APC2: variants seen among roughly 807,000 people sequenced by gnomAD.
APC2 encodes the protein adenomatous polyposis coli protein 2.
Under a neutral mutation model 72.5 loss-of-function variants are expected in APC2, and 41 were observed. That is an observed-to-expected ratio of 0.57 (90% CI 0.44 to 0.73). The LOEUF (loss-of-function observed/expected upper bound fraction) is 0.73, where lower values mean the gene tolerates loss of function less well. Ranked by LOEUF, APC2 falls within the 30% of genes least tolerant of loss-of-function variation. APC2 has a pLI of 0.00. For missense variants in APC2, 3,729 were observed against 3,403.4 expected (o/e 1.10, Z -2.38); for synonymous variants, 1,898 against 1,612.0 (o/e 1.18, Z -4.25).
chr19:1,447,007 G>A (rs2083693768), upstream of APC2, among the ~76,000 whole-genome samples: 1 of 152,216 alleles, frequency 6.6e-6, no homozygotes, highest in African/African-American at 2.4e-5. Flanking sequence ...AGAACGCGGG[G>A]CGGGGGCCGG....
Position 1,468,932 on chromosome 19 carries a change from C to A in APC2, c.5631C>A (p.Ser1877=). ...RLAKTPSSSS[S]QTSPASQPLP... ...CCAAGACCCCCTCCTCCAGCTCCTCCCAGACCTCGCCCGCCTCCCAGCCCC... is the reference window on the plus strand; with the variant it reads ...CCAAGACCCCCTCCTCCAGCTCCTCACAGACCTCGCCCGCCTCCCAGCCCC... The change falls in exon 15 of 15, where the codon TCC becomes TCA. Residue 1877 remains serine, a synonymous_variant. Coordinates refer to ENST00000590469, the MANE Select transcript of APC2 (RefSeq NM_005883.3). 1 of 1,543,492 alleles carries A rather than the reference C, an allele frequency of 6.5e-7. No homozygotes were observed.
Position 1,463,581 on chromosome 19 carries a change from C to CAAA in APC2, c.1853+1418_1853+1420dup, listed in dbSNP as rs58370572. 1.1e-3 allele frequency among the ~76,000 whole-genome samples: 107 copies of CAAA among 96,280 alleles called. 1 individual carries two copies. The highest frequency in any genetic ancestry group is 3.7e-3 in the African/African-American group (106 of 28,358). 63.2% of individuals were successfully genotyped at this position (96,280 alleles called of 152,430 possible). On this transcript the variant is annotated intron_variant, in intron 14 of 14. Coordinates refer to ENST00000590469, the MANE Select transcript of APC2 (RefSeq NM_005883.3). The stretch of plus-strand genomic sequence containing the variant: ...CTGGGCAACAAGAGCAAAACTGTCT[C>CAAA]AAAAAAAAAAAAAAAAGAAAAATTA...
intron 10 of APC2, chr19:1,458,691 C>G: frequency 1.3e-5 from 2 of 152,330 alleles, no homozygotes; most frequent in South Asian, 2.1e-4. Context: ...GCAACAGAGC[C>G]AGACCCTGTC....
chr19:1,465,709 C>A lies in APC2; in HGVS notation c.2408C>A (p.Ser803Tyr). ...TGEPASPAAL[S>Y]LFLGSPFLQG... ...GAGCCAGCCAGCCCTGCCGCGCTGT[C>A]CCTCTTCCTGGGCAGCCCCTTCCTG... The change falls in exon 15 of 15, where the codon TCC becomes TAC. Residue 803 changes from serine to tyrosine, a missense_variant. Transcript: ENST00000590469. 4 of 1,576,934 alleles carry A rather than the reference C, an allele frequency of 2.5e-6. No individual in the cohort carries two copies. Among genetic ancestry groups the A allele is most frequent in the Non-Finnish European group, 3.4e-6 (4 of 1,163,668 alleles).
At position 1,452,923 on chromosome 19, in the gene APC2, G is replaced by C; in HGVS notation, c.-18-61G>C. The C allele has an allele frequency of 2.6e-6, 4 of 1,562,424 alleles. No individual in the cohort carries two copies. Among genetic ancestry groups the C allele is most frequent in the Non-Finnish European group, 3.5e-6 (4 of 1,153,756 alleles). ...GGCTTAGGTCAGGGGCCGTCTGTCC[G>C]GAAGGCATCACCGCGCCCTCCCCAG... On this transcript the variant is annotated intron_variant, in intron 1 of 14. Transcript: ENST00000590469. This position sits in a 1 kb window ranked among gnomAD's most constrained non-coding sequence, Gnocchi z 5.1.
intron 4 of APC2, 121 bp from the exon 5 acceptor site, chr19:1,455,028 G>C (rs1339420043): frequency 2.3e-6 from 1 of 426,400 alleles, no homozygotes; most frequent in Non-Finnish European, 4.1e-6. Flanking sequence ...CCACGGGAGA[G>C]ACCTTGCCAT....
rs553861145 is a variant in APC2 at position 1,452,935 on chromosome 19, C to G, written c.-18-49C>G. ...GGGCCGTCTGTCCGGAAGGCATCACCGCGCCCTCCCCAGACCATCAGCTGA... is the reference window on the plus strand; with the variant it reads ...GGGCCGTCTGTCCGGAAGGCATCACGGCGCCCTCCCCAGACCATCAGCTGA... On this transcript the variant is annotated intron_variant, in intron 1 of 14. Transcript: ENST00000590469. This position sits in a 1 kb window ranked among gnomAD's most constrained non-coding sequence, Gnocchi z 5.1. The G allele has an allele frequency of 6.3e-6, 10 of 1,581,404 alleles. No individual in the cohort carries two copies. The Admixed American group carries it at 1.7e-4, about 27-fold the overall frequency.
At position 1,457,231 on chromosome 19, in the gene APC2, G is replaced by T. The variant is rs949046151; in HGVS notation, c.1195G>T (p.Gly399Cys). The T allele has an allele frequency of 1.4e-5, 21 of 1,531,144 alleles. No individual in the cohort carries two copies. The African/African-American group carries it at 2.8e-4, about 20-fold the overall frequency. 94.8% of individuals were successfully genotyped at this position (1,531,144 alleles called of 1,614,324 possible). A position where few individuals can be genotyped will look rare whatever the true frequency, so the allele number is the denominator to read the frequency against. The change falls in exon 9 of 15, where the codon GGC becomes TGC. Residue 399 changes from glycine (G) to cysteine (C), a missense_variant. Transcript: ENST00000590469. ...CCGAGACGGCGGGCCCGAGGGAGGT[G>T]GCGCCGGCAGCGGTGAGTGCCTGGC... ...QARDGGPEGGGAGSAPIPIEP... is the reference protein window; with the variant it reads ...QARDGGPEGGCAGSAPIPIEP...
intron 1 of APC2, among the ~76,000 whole-genome samples, chr19:1,451,048 T>C (rs1356760223): frequency 6.6e-6 from 1 of 152,124 alleles, no homozygotes; most frequent in African/African-American, 2.4e-5. Flanking sequence ...GGATCTCACT[T>C]GTGACGTTTA....
rs372652826 is a variant in APC2 at position 1,457,208 on chromosome 19, G to T, written c.1172G>T (p.Arg391Leu). The T allele has an allele frequency of 2.1e-5, 33 of 1,549,466 alleles. No individual in the cohort carries two copies. In the Admixed American group the frequency reaches 2.3e-4, roughly 11 times the overall value. The change falls in exon 9 of 15, where the codon CGA (arginine) becomes CTA (leucine). Residue 391 changes from arginine to leucine, a missense_variant. Arg to Leu is a moderately radical substitution (Grantham distance 102). Coordinates refer to ENST00000590469, the MANE Select transcript of APC2 (RefSeq NM_005883.3). ...ACCTGCTGGGACTGGCTGCAGGCCC[G>T]AGACGGCGGGCCCGAGGGAGGTGGC... is the stretch of plus-strand genomic sequence containing the variant. ...CETCWDWLQA[R>L]DGGPEGGGAG...
upstream of APC2, chr19:1,446,378 G>A: frequency 1.0e-6 from 1 of 985,016 alleles, no homozygotes; most frequent in Non-Finnish European, 1.2e-6. This position sits in a 1 kb window ranked among gnomAD's most constrained non-coding sequence, Gnocchi z 6.1. Flanking sequence ...GGAGGGCTCC[G>A]GGCCGCGCAG....
rs1378771163 is a variant in APC2, at chr19:1,470,095, G to T, written c.6794G>T (p.Ser2265Ile). The T allele has an allele frequency of 6.2e-7, 1 of 1,604,622 alleles. No individual in the cohort carries two copies. The highest frequency in any genetic ancestry group is 1.7e-5 in the Admixed American group (1 of 59,646). The change falls in exon 15 of 15, where the codon AGC becomes ATC. Residue 2265 changes from serine to isoleucine, a missense_variant. By Grantham distance (142) the Ser-to-Ile change is moderately radical. Coordinates refer to ENST00000590469, the MANE Select transcript of APC2 (RefSeq NM_005883.3). ...GFPASRHGSP[S>I]RSARVPPFNY... ...CCCGCCAGCCGGCACGGCTCCCCCA[G>T]CCGCTCGGCCCGAGTACCCCCCTTC...
In APC2 at chr19:1,471,342, C is replaced by T. The variant is rs913206710; in HGVS notation, c.*1129C>T. The T allele has an allele frequency of 2.0e-4, 31 of 152,306 alleles. No homozygotes were observed. Among genetic ancestry groups the T allele is most frequent in the African/African-American group, 7.5e-4 (31 of 41,478 alleles). The allele number at this position is 152,306 out of a possible 1,614,324, so 9.4% of individuals were successfully genotyped here. Reference sequence around the variant, plus strand: ...CAGCACAGCTGGGGCGGGGACCCAGCCTTGCCCTCCACCCGAGGCTCTGGG... The same window carrying T: ...CAGCACAGCTGGGGCGGGGACCCAGTCTTGCCCTCCACCCGAGGCTCTGGG... On this transcript the variant is annotated 3_prime_UTR_variant, in exon 15 of 15. Coordinates refer to ENST00000590469, the MANE Select transcript of APC2 (RefSeq NM_005883.3).
chr19:1,460,078 G>A, intron 10 of APC2, 103 bp from the exon 11 acceptor site: 5 of 1,499,758 alleles, frequency 3.3e-6, no homozygotes, highest in Non-Finnish European at 4.5e-6. Flanking sequence ...TTGAGGGCAG[G>A]TCTGGGGCAT....
Position 1,470,097 on chromosome 19 carries a change from C to A in APC2, c.6796C>A (p.Arg2266Ser). ...FPASRHGSPS[R>S]SARVPPFNYV... ...CGCCAGCCGGCACGGCTCCCCCAGC[C>A]GCTCGGCCCGAGTACCCCCCTTCAA... is the stretch of plus-strand genomic sequence containing the variant. The change falls in exon 15 of 15, where the codon CGC becomes AGC. Residue 2266 changes from arginine to serine, a missense_variant. Physicochemically the swap from Arg to Ser is moderately radical, Grantham distance 110. Coordinates refer to ENST00000590469, the MANE Select transcript of APC2 (RefSeq NM_005883.3). The A allele has an allele frequency of 1.2e-6, 2 of 1,605,040 alleles. No individual in the cohort carries two copies. The highest frequency in any genetic ancestry group is 1.7e-6 in the Non-Finnish European group (2 of 1,177,632).
Position 1,466,543 on chromosome 19 carries a change from G to C in APC2, c.3242G>C (p.Arg1081Pro), listed in dbSNP as rs1475996124. ...SSLSSLSSAG[R>P]PGPSEGGDLD... ...CTTTCCTCGCTGTCCTCGGCCGGCC[G>C]CCCAGGCCCCAGCGAGGGTGGTGAC... The change falls in exon 15 of 15, where the codon CGC becomes CCC. Residue 1081 changes from arginine (R) to proline (P), a missense_variant. Physicochemically the swap from Arg to Pro is moderately radical, Grantham distance 103. Coordinates refer to ENST00000590469, the MANE Select transcript of APC2 (RefSeq NM_005883.3). 3 of 1,584,688 alleles carry C rather than the reference G, an allele frequency of 1.9e-6. No homozygotes were observed. The highest frequency in any genetic ancestry group is 3.4e-5 in the Admixed American group (2 of 58,064).
intron 4 of APC2, among the ~76,000 whole-genome samples, chr19:1,454,716 A>G (rs1189200103): frequency 6.6e-6 from 1 of 151,882 alleles, no homozygotes; most frequent in African/African-American, 2.4e-5. Flanking sequence ...GGCACCCGCC[A>G]CCACGCCCGG....
chr19:1,453,427 C>G lies in APC2; in HGVS notation c.233-4C>G. The G allele has an allele frequency of 6.2e-7, 1 of 1,602,686 alleles. No individual in the cohort carries two copies. The highest frequency in any genetic ancestry group is 1.1e-5 in the South Asian group (1 of 90,542). ...TGACCTCCGCCCTGTCCCCGCCCAT[C>G]CAGCCCTACAGATGGACATCACCAG... On this transcript the variant is annotated splice_region_variant and splice_polypyrimidine_tract_variant and intron_variant, in intron 3 of 14. Coordinates refer to ENST00000590469, the MANE Select transcript of APC2 (RefSeq NM_005883.3).
In APC2 at chr19:1,466,082, C is replaced by T. The variant is rs1277370638; in HGVS notation, c.2781C>T (p.Leu927=). The T allele has an allele frequency of 2.0e-6, 3 of 1,530,600 alleles. No homozygotes were observed. Among genetic ancestry groups the T allele is most frequent in the Non-Finnish European group, 2.6e-6 (3 of 1,148,164 alleles). The allele number at this position is 1,530,600 out of a possible 1,614,324, so 94.8% of individuals were successfully genotyped here. Residue 927 remains leucine (L), a synonymous_variant, in exon 15 of 15, where the codon CTC becomes CTT. Coordinates refer to ENST00000590469, the MANE Select transcript of APC2 (RefSeq NM_005883.3). ...ACGCCAGCCTCTCCAACGACAGCCT[C>T]AACAGCGGCAGTGCCAGCGACGGGT... ...AAHASLSNDS[L]NSGSASDGYC...
Sources: gnomAD v4.1 joint callset for allele counts (sites outside exome capture counted in the v4.1 genomes callset) on GRCh38, gnomAD v4.1.1 for gene constraint, Gnocchi (gnomAD v3.1) non-coding constraint, MANE v1.5 for transcripts, NCBI Gene and HGNC (gene_info 2026-07-23, HGNC 2026-07-21) for gene names.